The following APBB2 variants were observed in gnomAD, a reference collection of about 807,000 sequenced individuals.
APBB2 encodes the protein Fe65-like 1.
APBB2 carries 38 observed loss-of-function variants against 82.5 expected under a neutral mutation model. The observed-to-expected ratio is 0.46, with a 90% CI of 0.36 to 0.60. The LOEUF is 0.60. APBB2 is among the 20% of genes least tolerant of loss of function. The probability of loss-of-function intolerance (pLI) is 0.00; values close to 1 mark genes in which losing one functional copy is unlikely to be tolerated. For synonymous variants in APBB2, 341 were observed against 368.2 expected (o/e 0.93, Z 0.85); for missense variants, 772 against 972.3 (o/e 0.79, Z 2.74).
At chr4:41,070,418 T>C (rs1414782095) in intron 3 of APBB2, among the ~76,000 whole-genome samples, 3 of 152,170 alleles carry the variant, frequency 2.0e-5, no homozygotes, top group African/African-American at 7.2e-5. Context: ...CAAGTGATTC[T>C]TGTATCTCAG....
chr4:40,856,681 C>G (rs1761289353), intron 12 of APBB2, among the ~76,000 whole-genome samples: 1 of 148,486 alleles, frequency 6.7e-6, no homozygotes, highest in Non-Finnish European at 1.5e-5. Flanking sequence ...AGAACGCTGT[C>G]CACGGCAGAA....
At chr4:41,136,249 C>T (rs1028641216) in intron 2 of APBB2, among the ~76,000 whole-genome samples, 1 of 152,100 alleles carries the variant, frequency 6.6e-6, no homozygotes, top group Non-Finnish European at 1.5e-5. Flanking sequence ...CTTATCTTTC[C>T]AGAACATTAT....
chr4:41,059,981 CA>C lies in APBB2; in HGVS notation c.-51+5594del, dbSNP rs5857772. 5.5e-3 allele frequency among the ~76,000 whole-genome samples: 805 copies of C among 145,802 alleles called. 10 individuals carry two copies. The highest frequency in any genetic ancestry group is 0.017 in the African/African-American group (699 of 40,006). The stretch of plus-strand genomic sequence containing the variant: ...TGTAACAAACAGCAAAACTCCGTCT[CA>C]AAAAAAAATAAAATAATAATAATAA... On this transcript the variant is annotated intron_variant, in intron 4 of 17. Transcript: ENST00000508593.
chr4:40,857,257 C>CACTCCCGTGAAGT (rs1761560109), intron 12 of APBB2: 3 of 858,274 alleles, frequency 3.5e-6, no homozygotes, highest in African/African-American at 1.8e-5. Context: ...CACCCGGCCG[C>CACTCCCGTGAAGT]ACTCCCGTGA....
At chr4:40,976,124 G>C (rs1435620863) in intron 6 of APBB2, among the ~76,000 whole-genome samples, 1 of 151,700 alleles carries the variant, frequency 6.6e-6, no homozygotes, top group Admixed American at 6.6e-5. Flanking sequence ...AATGTTTAAG[G>C]CTATTTTTGT....
intron 3 of APBB2, among the ~76,000 whole-genome samples, chr4:41,070,434 C>T (rs1733404935): frequency 6.6e-6 from 1 of 151,926 alleles, no homozygotes; most frequent in African/African-American, 2.4e-5. Context: ...CTCAGACACG[C>T]AAGTAGCTGG....
intron 10 of APBB2, among the ~76,000 whole-genome samples, chr4:40,914,446 G>A (rs1214016621): frequency 3.3e-5 from 5 of 152,160 alleles, no homozygotes; most frequent in African/African-American, 4.8e-5. Context: ...CAGCTACTCC[G>A]GAGGCTGAGG....
intron 3 of APBB2, among the ~76,000 whole-genome samples, chr4:41,098,122 A>C (rs959043202): frequency 1.3e-5 from 2 of 151,484 alleles, no homozygotes; most frequent in African/African-American, 4.9e-5. Flanking sequence ...TTTTAACCTT[A>C]AGGGTACATT....
At chr4:40,959,847 C>T (rs1792606081) in intron 6 of APBB2, among the ~76,000 whole-genome samples, 1 of 152,146 alleles carries the variant, frequency 6.6e-6, no homozygotes, top group Non-Finnish European at 1.5e-5. Flanking sequence ...TATAATTAAT[C>T]CAATCTCACT....
chr4:41,139,831 AAAT>A, intron 2 of APBB2, among the ~76,000 whole-genome samples: 1 of 152,316 alleles, frequency 6.6e-6, no homozygotes, highest in African/African-American at 2.4e-5. Context: ...ACTGTAATGG[AAAT>A]ACAACTTATA....
chr4:40,989,749 C>G (rs1454753459), intron 6 of APBB2, among the ~76,000 whole-genome samples: 2 of 152,108 alleles, frequency 1.3e-5, no homozygotes, highest in Middle Eastern at 3.2e-3. Context: ...CTGTGTCATC[C>G]GAGCCTCGTC....
chr4:40,981,628 A>G (rs1798495192), intron 6 of APBB2, among the ~76,000 whole-genome samples: 1 of 152,176 alleles, frequency 6.6e-6, no homozygotes, highest in Non-Finnish European at 1.5e-5. Context: ...TTTGGGTTGT[A>G]TGCATGGTCT....
At chr4:41,059,864 C>T (rs183004016) in intron 4 of APBB2, among the ~76,000 whole-genome samples, 67 of 152,044 alleles carry the variant, frequency 4.4e-4, no homozygotes, top group African/African-American at 1.6e-3. Context: ...CCTCTAGTGC[C>T]GCTGGGTTAG....
At chr4:41,200,844 G>A (rs1010178293) in intron 1 of APBB2, among the ~76,000 whole-genome samples, 3 of 152,090 alleles carry the variant, frequency 2.0e-5, no homozygotes, top group African/African-American at 4.8e-5. Flanking sequence ...TAGCTCTTGT[G>A]TTTTAAGAAA....
intron 1 of APBB2, among the ~76,000 whole-genome samples, chr4:41,184,809 G>A (rs1772420750): frequency 6.6e-6 from 1 of 152,188 alleles, no homozygotes; most frequent in Non-Finnish European, 1.5e-5. Context: ...ACCTCTGTGT[G>A]GGACACTCTG....
rs142139958 is a variant in APBB2 at position 41,176,187 on chromosome 4, T to C, written c.-416-33045A>G. Among the ~76,000 whole-genome samples, 631 of 152,148 alleles carry C rather than the reference T, an allele frequency of 4.1e-3. 18 individuals are homozygous for C. Among genetic ancestry groups the C allele is most frequent in the Admixed American group, 0.038 (581 of 15,258 alleles). ...GGCTCTGTTACTGAAATATAACCAG[T>C]TGGTAATAAAACACGGACAAAATAA... On this transcript the variant is annotated intron_variant, in intron 1 of 17. Coordinates refer to ENST00000508593, the MANE Select transcript of APBB2 (RefSeq NM_004307.2).
rs1744234017 is a variant in APBB2 at position 40,810,643 on chromosome 4, C to G, written c.*5449G>C. 6.7e-6 allele frequency: 1 copy of G among 149,220 alleles called. No individual in the cohort carries two copies. Among genetic ancestry groups the G allele is most frequent in the Non-Finnish European group, 1.5e-5 (1 of 67,620 alleles). The allele number at this position is 149,220 out of a possible 1,614,324, so 9.2% of individuals were successfully genotyped here. A position where few individuals can be genotyped will look rare whatever the true frequency, so the allele number is the denominator to read the frequency against. On this transcript the variant is annotated 3_prime_UTR_variant, in exon 18 of 18. Transcript: ENST00000508593. ...GAAACAAGACTTTTTATAGTTGAACCAGGCTTATTGTATTTTAAATCCCTG... is the reference window on the plus strand; with the variant it reads ...GAAACAAGACTTTTTATAGTTGAACGAGGCTTATTGTATTTTAAATCCCTG...
intron 12 of APBB2, among the ~76,000 whole-genome samples, chr4:40,886,825 C>T (rs1268930093): frequency 6.6e-6 from 1 of 152,172 alleles, no homozygotes; most frequent in Non-Finnish European, 1.5e-5. Context: ...GCTCCTGGGG[C>T]TGAACTAGAT....
At chr4:41,042,944 T>C (rs1184105554) in intron 4 of APBB2, among the ~76,000 whole-genome samples, 2 of 152,228 alleles carry the variant, frequency 1.3e-5, no homozygotes, top group Non-Finnish European at 2.9e-5. Context: ...AATGAGATTG[T>C]AGAAGAGCTG....
Sources: allele counts gnomAD v4.1 joint callset (sites outside exome capture counted in the v4.1 genomes callset), GRCh38; gene constraint gnomAD v4.1.1; transcripts MANE v1.5; gene names NCBI Gene and HGNC (gene_info 2026-07-23, HGNC 2026-07-21).